The following SLC25A31 variants were observed in gnomAD, a reference collection of about 807,000 sequenced individuals.
SLC25A31 encodes the protein ADP/ATP translocase 4.
SLC25A31 carries 40 observed loss-of-function variants against 36.2 expected under a neutral mutation model. The ratio of observed to expected loss-of-function variants is 1.10; its 90% CI spans 0.86 to 1.44. The LOEUF (loss-of-function observed/expected upper bound fraction) is 1.44. Among genes scored for constraint, SLC25A31 ranks in the 40% most tolerant of loss-of-function variants. SLC25A31 has a pLI of 0.00. For missense variants in SLC25A31, 350 were observed against 397.1 expected, an observed-to-expected ratio of 0.88 and a Z score of 1.01; for synonymous variants, 143 against 149.7, an observed-to-expected ratio of 0.96 and a Z score of 0.32.
At chr4:127,765,249 G>A (rs913397149) in intron 3 of SLC25A31, among the ~76,000 whole-genome samples, 1 of 152,138 alleles carries the variant, frequency 6.6e-6, no homozygotes, top group Non-Finnish European at 1.5e-5. Context: ...GGAAGTAGTA[G>A]TTAGTTCCTC....
chr4:127,739,381 T>C (rs923029331), intron 1 of SLC25A31, among the ~76,000 whole-genome samples: 2 of 152,186 alleles, frequency 1.3e-5, no homozygotes, highest in African/African-American at 4.8e-5. Context: ...ATGAAATTCT[T>C]GGTTTGAATT....
At chr4:127,768,544 C>A (rs2070034377) in intron 4 of SLC25A31, among the ~76,000 whole-genome samples, 1 of 152,004 alleles carries the variant, frequency 6.6e-6, no homozygotes, top group Non-Finnish European at 1.5e-5. Flanking sequence ...GGCAAATATG[C>A]TTTATATTTT....
intron 5 of SLC25A31, among the ~76,000 whole-genome samples, chr4:127,773,070 A>G (rs546153185): frequency 2.0e-5 from 3 of 152,274 alleles, no homozygotes; most frequent in South Asian, 4.1e-4. Flanking sequence ...GGCATGAGCC[A>G]CCATGCCTAG....
At chr4:127,750,203 A>G (rs887963474) in intron 2 of SLC25A31, among the ~76,000 whole-genome samples, 56 of 81,106 alleles carry the variant, frequency 6.9e-4, no homozygotes, top group African/African-American at 3.1e-3. Flanking sequence ...TAAGTTGAAA[A>G]GACAATAAAT....
At position 127,735,068 on chromosome 4, in the gene SLC25A31, C is replaced by T. The variant is rs116755853; in HGVS notation, c.232+4291C>T. Reference sequence around the variant, plus strand: ...GACAAAACTTTGAAAAAGATTCTGCCGTGAAAACCAAATCAAGGGTAACAC... The same window carrying T: ...GACAAAACTTTGAAAAAGATTCTGCTGTGAAAACCAAATCAAGGGTAACAC... On this transcript the variant is annotated intron_variant, in intron 1 of 5. Transcript: ENST00000281154. Among the ~76,000 whole-genome samples, 1,162 of 152,094 alleles carry T rather than the reference C, an allele frequency of 7.6e-3. 12 individuals are homozygous for T. The highest frequency in any genetic ancestry group is 0.01 in the Non-Finnish European group (695 of 67,984).
intron 3 of SLC25A31, among the ~76,000 whole-genome samples, chr4:127,765,651 TAA>T (rs1030179016): frequency 6.6e-6 from 1 of 152,112 alleles, no homozygotes; most frequent in African/African-American, 2.4e-5. Flanking sequence ...CTCATGTACC[TAA>T]GAGTCTAGTG....
intron 2 of SLC25A31, among the ~76,000 whole-genome samples, chr4:127,750,187 A>G (rs1731902825): frequency 7.0e-6 from 1 of 142,052 alleles, no homozygotes; most frequent in South Asian, 2.4e-4. Context: ...GCTAATGGGA[A>G]TTCTTTAAGT....
chr4:127,741,365 T>A (rs999043669), intron 1 of SLC25A31, among the ~76,000 whole-genome samples: 2 of 152,204 alleles, frequency 1.3e-5, no homozygotes, highest in Non-Finnish European at 2.9e-5. Flanking sequence ...TTGTCACATA[T>A]GGCCTTTATT....
intron 2 of SLC25A31, among the ~76,000 whole-genome samples, chr4:127,748,624 T>C (rs1731866039): frequency 6.6e-6 from 1 of 152,132 alleles, no homozygotes; most frequent in South Asian, 2.1e-4. Flanking sequence ...AGAATCTAGA[T>C]AGGATATGTG....
intron 1 of SLC25A31, among the ~76,000 whole-genome samples, chr4:127,740,938 GT>G (rs899570905): frequency 6.6e-6 from 1 of 152,142 alleles, no homozygotes; most frequent in Non-Finnish European, 1.5e-5. Flanking sequence ...TCTTTCATCA[GT>G]TTTTTAAACT....
chr4:127,744,476 T>A (rs191739979), intron 1 of SLC25A31, among the ~76,000 whole-genome samples, 196 bp from the exon 2 acceptor site: 5 of 152,294 alleles, frequency 3.3e-5, no homozygotes, highest in East Asian at 1.9e-4. Flanking sequence ...TGAAATTTTT[T>A]AAAAAATGGA....
At chr4:127,760,132 G>A (rs536077220) in intron 2 of SLC25A31, among the ~76,000 whole-genome samples, 1 of 151,766 alleles carries the variant, frequency 6.6e-6, no homozygotes, top group South Asian at 2.1e-4. Flanking sequence ...ATCTGAATAG[G>A]GTAGGCCTTA....
At chr4:127,767,274 A>C (rs1228273664) in intron 4 of SLC25A31, 54 bp downstream of exon 4, 11 of 1,349,504 alleles carry the variant, frequency 8.2e-6, no homozygotes, top group Non-Finnish European at 9.8e-6. Flanking sequence ...CCATTTATTT[A>C]ATTAGTAATG....
At chr4:127,769,000 T>C in intron 5 of SLC25A31, 123 bp downstream of exon 5, 11 of 840,512 alleles carry the variant, frequency 1.3e-5, no homozygotes, top group Non-Finnish European at 1.6e-5. Context: ...TTAGCTAAAA[T>C]AAATACATGA....
chr4:127,745,818 T>C (rs1362677181), intron 2 of SLC25A31, among the ~76,000 whole-genome samples: 1 of 152,100 alleles, frequency 6.6e-6, no homozygotes, highest in Admixed American at 6.5e-5. Context: ...TTTACTTTTA[T>C]TTTAGGTTTG....
At chr4:127,764,840 A>G (rs1433035286) in intron 3 of SLC25A31, among the ~76,000 whole-genome samples, 1 of 152,178 alleles carries the variant, frequency 6.6e-6, no homozygotes, top group African/African-American at 2.4e-5. Context: ...GAGCTCTTAC[A>G]TATCTTAAAA....
At position 127,732,446 on chromosome 4, in the gene SLC25A31, C is replaced by T. The variant is rs372094590; in HGVS notation, c.232+1669C>T. On this transcript the variant is annotated intron_variant, in intron 1 of 5. Coordinates refer to ENST00000281154, the MANE Select transcript of SLC25A31 (RefSeq NM_031291.4). ...CTTCTCATTTCCCCCAAGATTTTTTCAGGAAAAGCAAGGAACCTGTCTCTT... is the reference window on the plus strand; with the variant it reads ...CTTCTCATTTCCCCCAAGATTTTTTTAGGAAAAGCAAGGAACCTGTCTCTT... 3.3e-5 allele frequency among the ~76,000 whole-genome samples: 5 copies of T among 152,244 alleles called. No individual in the cohort carries two copies. In the East Asian group the frequency reaches 9.6e-4, roughly 29 times the overall value.
intron 2 of SLC25A31, among the ~76,000 whole-genome samples, chr4:127,754,719 T>G (rs1731998279): frequency 6.6e-6 from 1 of 151,940 alleles, no homozygotes; most frequent in Non-Finnish European, 1.5e-5. Context: ...TTTGGAAAAA[T>G]TAATACTATT....
chr4:127,752,931 T>G (rs1731963953), intron 2 of SLC25A31, among the ~76,000 whole-genome samples: 1 of 152,186 alleles, frequency 6.6e-6, no homozygotes, highest in Non-Finnish European at 1.5e-5. Flanking sequence ...ATCCAAAACC[T>G]GCAGAATACA....
Sources: allele counts gnomAD v4.1 joint callset (sites outside exome capture counted in the v4.1 genomes callset), GRCh38; gene constraint gnomAD v4.1.1; transcripts MANE v1.5; gene names NCBI Gene and HGNC (gene_info 2026-07-23, HGNC 2026-07-21).